Variants in TCF7L2 observed in about 807,000 individuals in gnomAD.
TCF7L2 encodes the protein transcription factor 7-like 2.
TCF7L2 carries 23 observed loss-of-function variants against 77.9 expected under a neutral mutation model. The observed-to-expected ratio is 0.30, with a 90% CI of 0.21 to 0.42. The LOEUF is 0.42. Ranked by LOEUF, TCF7L2 falls within the 10% of genes least tolerant of loss-of-function variation. The probability of loss-of-function intolerance (pLI) is 1.00; values close to 1 mark genes in which losing one functional copy is unlikely to be tolerated. For synonymous variants in TCF7L2, 413 were observed against 340.2 expected (o/e 1.21, Z -2.36); for missense variants, 654 against 793.1 (o/e 0.82, Z 2.11).
chr10:113,087,005 A>AG (rs941056677), intron 5 of TCF7L2, among the ~76,000 whole-genome samples: 3 of 151,466 alleles, frequency 2.0e-5, no homozygotes, highest in South Asian at 2.1e-4. Context: ...CACACACACA[A>AG]GAAAAAAAAA....
chr10:113,038,223 G>A (rs1486098869), intron 4 of TCF7L2, among the ~76,000 whole-genome samples: 4 of 152,190 alleles, frequency 2.6e-5, no homozygotes, highest in East Asian at 1.9e-4. Flanking sequence ...ATACCCTGTC[G>A]CAGATAGGAC....
intron 4 of TCF7L2, among the ~76,000 whole-genome samples, chr10:112,967,827 G>A (rs908768578): frequency 6.6e-6 from 1 of 152,004 alleles, no homozygotes; most frequent in Non-Finnish European, 1.5e-5. Flanking sequence ...TGGAGATGGG[G>A]TTTCTCCATG....
chr10:112,965,615 C>CTG (rs1564720723), intron 4 of TCF7L2, among the ~76,000 whole-genome samples: 1 of 143,914 alleles, frequency 6.9e-6, no homozygotes, highest in Non-Finnish European at 1.5e-5. Context: ...GATAACTTGT[C>CTG]TGTGTGTGTG....
chr10:112,960,813 G>A (rs1218256366), intron 3 of TCF7L2, among the ~76,000 whole-genome samples: 3 of 142,416 alleles, frequency 2.1e-5, no homozygotes, highest in African/African-American at 5.2e-5. Context: ...TCAGCCTCCC[G>A]AGTAGCTGGG....
intron 5 of TCF7L2, among the ~76,000 whole-genome samples, chr10:113,112,681 C>T (rs2063282601): frequency 6.6e-6 from 1 of 152,126 alleles, no homozygotes; most frequent in Non-Finnish European, 1.5e-5. Flanking sequence ...CAAAGTCCAC[C>T]AAAACATCAT....
chr10:113,148,510 G>C (rs2757878), intron 8 of TCF7L2, among the ~76,000 whole-genome samples: 1 of 152,146 alleles, frequency 6.6e-6, no homozygotes, highest in South Asian at 2.1e-4. Context: ...ATAAAATCAA[G>C]GCCGGCAGAT....
At chr10:113,073,789 C>T (rs2135296585) in intron 5 of TCF7L2, among the ~76,000 whole-genome samples, 1 of 152,314 alleles carries the variant, frequency 6.6e-6, no homozygotes, top group East Asian at 1.9e-4. Flanking sequence ...ACCTGCGGGC[C>T]TCAGTGTGAC....
intron 5 of TCF7L2, among the ~76,000 whole-genome samples, chr10:113,121,360 C>T (rs902246273): frequency 6.6e-6 from 1 of 152,202 alleles, no homozygotes; most frequent in Non-Finnish European, 1.5e-5. Flanking sequence ...TAGAAATTGC[C>T]GTCCTGTTGA....
chr10:113,042,674 C>T (rs1276934965), intron 5 of TCF7L2, among the ~76,000 whole-genome samples: 2 of 152,062 alleles, frequency 1.3e-5, no homozygotes, highest in African/African-American at 2.4e-5. Flanking sequence ...GAAGAAAGGC[C>T]TTGCGTTGTT....
At chr10:113,004,327 T>C (rs1044088690) in intron 4 of TCF7L2, among the ~76,000 whole-genome samples, 2 of 152,120 alleles carry the variant, frequency 1.3e-5, no homozygotes, top group African/African-American at 4.8e-5. Context: ...AGGCAAGCCA[T>C]GTTAATATTT....
intron 4 of TCF7L2, among the ~76,000 whole-genome samples, chr10:112,994,532 A>T (rs996733855): frequency 6.6e-6 from 1 of 152,176 alleles, no homozygotes; most frequent in Non-Finnish European, 1.5e-5. Context: ...TTGTATTGAC[A>T]TGTTTTCATT....
In TCF7L2 at chr10:113,164,395, C is replaced by A. The variant is rs1044649518; in HGVS notation, c.1392-1160C>A. Among the ~76,000 whole-genome samples the A allele has an allele frequency of 3.3e-5, 5 of 152,126 alleles. No individual in the cohort carries two copies. In the East Asian group the frequency reaches 9.6e-4, roughly 29 times the overall value. ...CTGGTTTAAACACGAATCACGATAACCCAAACCCAGGAAGGTCCATGCTGC... is the reference window on the plus strand; with the variant it reads ...CTGGTTTAAACACGAATCACGATAAACCAAACCCAGGAAGGTCCATGCTGC... On this transcript the variant is annotated intron_variant, in intron 13 of 13. Transcript: ENST00000627217.
intron 4 of TCF7L2, among the ~76,000 whole-genome samples, chr10:112,990,510 C>T (rs7922298): frequency 0.025 from 3,786 of 151,796 alleles, 147 homozygotes; most frequent in African/African-American, 0.086. Flanking sequence ...AATTCGAGAC[C>T]AGCCTAGACA....
At chr10:113,001,491 T>C (rs990760473) in intron 4 of TCF7L2, among the ~76,000 whole-genome samples, 5 of 152,074 alleles carry the variant, frequency 3.3e-5, no homozygotes, top group Admixed American at 6.5e-5. Flanking sequence ...AATGCCTTAG[T>C]GTTCAATCAT....
chr10:112,951,742 C>G, intron 3 of TCF7L2, 135 bp downstream of exon 3: 2 of 328,534 alleles, frequency 6.1e-6, no homozygotes, highest in East Asian at 1.5e-4. Flanking sequence ...CTCCCCTCCC[C>G]CGCTCGTGGC....
chr10:113,073,251 C>T lies in TCF7L2; in HGVS notation c.552+33125C>T, dbSNP rs114331544. ...GCAGGTGTCTTTCCAGTCTACAACT[C>T]GTTGACCACAGGTGGAATTCATAAG... On this transcript the variant is annotated intron_variant, in intron 5 of 13. Transcript: ENST00000627217. Among the ~76,000 whole-genome samples the T allele has an allele frequency of 8.5e-3, 1,291 of 151,912 alleles. 21 individuals are homozygous for T. The highest frequency in any genetic ancestry group is 0.029 in the African/African-American group (1,218 of 41,406).
At chr10:113,144,655 G>A (rs529649286) in intron 7 of TCF7L2, among the ~76,000 whole-genome samples, 18 of 152,268 alleles carry the variant, frequency 1.2e-4, no homozygotes, top group South Asian at 4.1e-4. Flanking sequence ...GTCTTTGCAC[G>A]TTGAATGTTT....
chr10:113,016,889 C>T (rs1194458661), intron 4 of TCF7L2, among the ~76,000 whole-genome samples: 1 of 152,136 alleles, frequency 6.6e-6, no homozygotes, highest in Non-Finnish European at 1.5e-5. Context: ...CTCGTGTGCC[C>T]CTGGCAGCTT....
chr10:113,007,333 G>A (rs1366782670), intron 4 of TCF7L2, among the ~76,000 whole-genome samples: 2 of 152,092 alleles, frequency 1.3e-5, no homozygotes, highest in Non-Finnish European at 2.9e-5. Flanking sequence ...TCCATCCCCT[G>A]CCCCCTGCCC....
Sources: allele counts gnomAD v4.1 joint callset (sites outside exome capture counted in the v4.1 genomes callset), GRCh38; gene constraint gnomAD v4.1.1; transcripts MANE v1.5; gene names NCBI Gene and HGNC (gene_info 2026-07-23, HGNC 2026-07-21).